The following CEP162 variants were observed in gnomAD, a reference collection of about 807,000 sequenced individuals.
The protein encoded by CEP162 is centrosomal protein 162.
In CEP162, 141 loss-of-function variants were observed where a neutral mutation model predicts 169.2. The ratio of observed to expected loss-of-function variants is 0.83; its 90% CI spans 0.73 to 0.96. The LOEUF (loss-of-function observed/expected upper bound fraction) is 0.96, where lower values mean the gene tolerates loss of function less well. Ranked by LOEUF, CEP162 falls within the 40% of genes least tolerant of loss-of-function variation. CEP162 has a pLI of 0.00. For synonymous variants in CEP162, 540 were observed against 526.4 expected, an observed-to-expected ratio of 1.03 and a Z score of -0.35; for missense variants, 1,600 against 1,587.2, an observed-to-expected ratio of 1.01 and a Z score of -0.14.
intron 21 of CEP162, among the ~76,000 whole-genome samples, chr6:84,157,870 G>T (rs187201457): frequency 6.6e-6 from 1 of 152,222 alleles, no homozygotes; most frequent in Admixed American, 6.5e-5. Flanking sequence ...TCTGCCGGAA[G>T]CTCTACTCCA....
chr6:84,129,970 T>G (rs949638043), intron 25 of CEP162, among the ~76,000 whole-genome samples: 1 of 152,200 alleles, frequency 6.6e-6, no homozygotes, highest in Non-Finnish European at 1.5e-5. Flanking sequence ...TTCCAGTTTT[T>G]GCCCATTCAG....
In CEP162 at chr6:84,152,691, T is replaced by C; in HGVS notation, c.3483A>G (p.Pro1161=). The C allele has an allele frequency of 6.2e-7, 1 of 1,612,794 alleles. No homozygotes were observed. Among genetic ancestry groups the C allele is most frequent in the Non-Finnish European group, 8.5e-7 (1 of 1,179,392 alleles). Residue 1161 remains proline (P), a synonymous_variant, in exon 23 of 27, where the codon CCA becomes CCG. Transcript: ENST00000403245. ...PGTLDSKLYQ[P]HTFTDSHVSE... ...AAACATGGGAATCAGTGAAAGTATG[T>C]GGTTGGTACAGCTTGCTGTCCAGGG...
At chr6:84,176,759 A>G (rs960738666) in intron 13 of CEP162, among the ~76,000 whole-genome samples, 1 of 152,160 alleles carries the variant, frequency 6.6e-6, no homozygotes, top group Non-Finnish European at 1.5e-5. Flanking sequence ...TTTTGGATAC[A>G]TAATACTCAA....
At chr6:84,146,051 C>CT (rs1174465974) in intron 25 of CEP162, among the ~76,000 whole-genome samples, 1 of 152,078 alleles carries the variant, frequency 6.6e-6, no homozygotes, top group Non-Finnish European at 1.5e-5. Flanking sequence ...ATTCTCAGCA[C>CT]TAAGACAATG....
intron 25 of CEP162, among the ~76,000 whole-genome samples, chr6:84,126,772 G>GA (rs1273274708): frequency 3.9e-5 from 6 of 152,118 alleles, no homozygotes; most frequent in Non-Finnish European, 8.8e-5. Context: ...TAAAGGAGCT[G>GA]AAAATGAAGT....
chr6:84,215,794 CAGTACTTAAG>C lies in CEP162; in HGVS notation c.291_300del (p.Leu98IlefsTer3). The C allele has an allele frequency of 1.3e-6, 2 of 1,589,798 alleles. No homozygotes were observed. The highest frequency in any genetic ancestry group is 2.7e-5 in the African/African-American group (2 of 74,704). Reference sequence around the variant, plus strand: ...TTCTTACCATTTGTTTCTAAGCTATCAGTACTTAAGAGAGAGGTTCCACTGCTCTTAAGAA... The same window carrying C: ...TTCTTACCATTTGTTTCTAAGCTATCAGAGAGGTTCCACTGCTCTTAAGAA... On this transcript the variant is annotated frameshift_variant, in exon 4 of 27. Transcript: ENST00000403245. LOFTEE classifies it high-confidence loss of function.
Position 84,186,746 on chromosome 6 carries a change from TAA to T in CEP162, c.1110-125_1110-124del, listed in dbSNP as rs1465227606. 6.5e-6 allele frequency: 5 copies of T among 764,818 alleles called. No individual in the cohort carries two copies. The East Asian group carries it at 8.1e-5, about 12-fold the overall frequency. 47.4% of individuals were successfully genotyped at this position (764,818 alleles called of 1,614,324 possible). A position where few individuals can be genotyped will look rare whatever the true frequency, so the allele number is the denominator to read the frequency against. ...TATTTGAATTGTTAACTATTCAAATTAAGTTAATGATGTTAAATACAGTATAA... is the reference window on the plus strand; with the variant it reads ...TATTTGAATTGTTAACTATTCAAATTGTTAATGATGTTAAATACAGTATAA... On this transcript the variant is annotated intron_variant, in intron 11 of 26. Transcript: ENST00000403245.
At chr6:84,176,182 C>G (rs186346295) in intron 13 of CEP162, among the ~76,000 whole-genome samples, 1 of 151,906 alleles carries the variant, frequency 6.6e-6, no homozygotes, top group Non-Finnish European at 1.5e-5. Flanking sequence ...ATTCAAGATG[C>G]TTTTTAAATG....
Position 84,152,990 on chromosome 6 carries a change from T to G in CEP162, c.3184A>C (p.Lys1062Gln), listed in dbSNP as rs1417739759. 4 of 1,613,510 alleles carry G rather than the reference T, an allele frequency of 2.5e-6. No individual in the cohort carries two copies. In the Admixed American group the frequency reaches 5.0e-5, roughly 20 times the overall value. ...TCTTCATCATCTTTATCATTTTTCT[T>G]GACGTCTAATTCAGCATTCTGATGT... ...LKHQNAELDV[K>Q]KNDKDDEDFQ... Residue 1062 changes from lysine to glutamine, a missense_variant, in exon 23 of 27, where the codon AAG becomes CAG. By Grantham distance (53) the Lys-to-Gln change is moderately conservative. Coordinates refer to ENST00000403245, the MANE Select transcript of CEP162 (RefSeq NM_014895.4).
chr6:84,199,167 A>C (rs536970717), intron 9 of CEP162, among the ~76,000 whole-genome samples: 1 of 152,318 alleles, frequency 6.6e-6, no homozygotes, highest in South Asian at 2.1e-4. Flanking sequence ...ATAGACTATC[A>C]AAGCACGTAT....
At chr6:84,208,453 T>A (rs1050088104) in intron 6 of CEP162, among the ~76,000 whole-genome samples, 3 of 152,184 alleles carry the variant, frequency 2.0e-5, no homozygotes, top group Admixed American at 6.5e-5. Flanking sequence ...AAAGACTACA[T>A]AAGGTACTAG....
chr6:84,201,718 G>A lies in CEP162; in HGVS notation c.718+19C>T. 1 of 1,234,608 alleles carries A rather than the reference G, an allele frequency of 8.1e-7. No homozygotes were observed. The highest frequency in any genetic ancestry group is 1.1e-6 in the Non-Finnish European group (1 of 879,158). 76.5% of individuals were successfully genotyped at this position (1,234,608 alleles called of 1,614,324 possible). ...ACTAATTTTTTGCCAACTAAAACATGAATATAAATAATATTTACCATTAGC... is the reference window on the plus strand; with the variant it reads ...ACTAATTTTTTGCCAACTAAAACATAAATATAAATAATATTTACCATTAGC... On this transcript the variant is annotated intron_variant, in intron 8 of 26. Transcript: ENST00000403245.
At chr6:84,151,003 G>A (rs1206585505) in intron 23 of CEP162, among the ~76,000 whole-genome samples, 1 of 152,110 alleles carries the variant, frequency 6.6e-6, no homozygotes, top group Non-Finnish European at 1.5e-5. Context: ...AGTAAGTTAT[G>A]TAGGAGTTGG....
At chr6:84,184,584 C>A (rs904826489) in intron 13 of CEP162, among the ~76,000 whole-genome samples, 3 of 152,094 alleles carry the variant, frequency 2.0e-5, no homozygotes, top group Admixed American at 2.0e-4. Context: ...TTGCAGGATT[C>A]CACATGCTCT....
Position 84,174,142 on chromosome 6 carries a change from A to C in CEP162, c.2072T>G (p.Phe691Cys), listed in dbSNP as rs1423907113. The C allele has an allele frequency of 1.1e-5, 17 of 1,609,876 alleles. No homozygotes were observed. The highest frequency in any genetic ancestry group is 1.4e-5 in the Non-Finnish European group (16 of 1,177,570). The part of the protein sequence containing the change: ...ETNKKQRWLH[F>C]GEAADPVTGE... The stretch of plus-strand genomic sequence containing the variant: ...AGTGACAGGATCAGCTGCTTCTCCA[A>C]AATGTAACCACCTTTGTTTTTTGTT... Residue 691 changes from phenylalanine (F) to cysteine (C), a missense_variant, in exon 16 of 27, where the codon TTT becomes TGT. Coordinates refer to ENST00000403245, the MANE Select transcript of CEP162 (RefSeq NM_014895.4).
chr6:84,194,447 G>GA (rs1306412943), intron 10 of CEP162, among the ~76,000 whole-genome samples: 3 of 133,682 alleles, frequency 2.2e-5, no homozygotes, highest in East Asian at 2.0e-4. Context: ...TATTTCATTT[G>GA]AAAAAATCTT....
chr6:84,153,310 C>G, intron 22 of CEP162, 131 bp from the exon 23 acceptor site: 1 of 787,138 alleles, frequency 1.3e-6, no homozygotes, highest in Non-Finnish European at 1.9e-6. Flanking sequence ...GTCTACAATT[C>G]TGTTTCTTGA....
At chr6:84,164,413 A>G (rs1160514007) in intron 18 of CEP162, among the ~76,000 whole-genome samples, 7 of 152,214 alleles carry the variant, frequency 4.6e-5, no homozygotes, top group Admixed American at 3.9e-4. Context: ...TGTTTATTGC[A>G]GCACTATGTA....
At chr6:84,128,146 G>T (rs140599608) in intron 25 of CEP162, among the ~76,000 whole-genome samples, 1 of 152,146 alleles carries the variant, frequency 6.6e-6, no homozygotes, top group Non-Finnish European at 1.5e-5. Flanking sequence ...AATTATTCAT[G>T]AATTAATTAG....
Sources: allele counts gnomAD v4.1 joint callset (sites outside exome capture counted in the v4.1 genomes callset), GRCh38; gene constraint gnomAD v4.1.1; transcripts MANE v1.5; gene names NCBI Gene and HGNC (gene_info 2026-07-23, HGNC 2026-07-21).